Variants in ACTR10 observed in about 807,000 individuals in gnomAD.
ACTR10 encodes actin-related protein 10.
A neutral mutation model predicts 56.2 loss-of-function variants in ACTR10; 43 were observed. The observed-to-expected ratio is 0.77, with a 90% confidence interval of 0.60 to 0.99. ACTR10 has a LOEUF of 0.99. Among genes scored for constraint, ACTR10 ranks in the 50% least tolerant of loss-of-function variants. The pLI, the probability that ACTR10 is intolerant of heterozygous loss-of-function variation, is 0.00. For missense variants in ACTR10, 466 were observed against 507.8 expected (o/e 0.92, Z 0.79); for synonymous variants, 170 against 176.3 (o/e 0.96, Z 0.28).
In ACTR10 at chr14:58,209,414, T is replaced by C. The variant is rs750341686; in HGVS notation, c.342+307T>C. On this transcript the variant is annotated intron_variant, in intron 4 of 12. Transcript: ENST00000254286. ...ATTTCTTTTTATTACTGTTTATTTA[T>C]TTTAATATAGGTTTTTCTATTTGGG... Among the ~76,000 whole-genome samples the C allele has an allele frequency of 7.2e-5, 11 of 152,162 alleles. 1 individual carries two copies. Among genetic ancestry groups the C allele is most frequent in the Non-Finnish European group, 1.6e-4 (11 of 68,020 alleles).
At chr14:58,220,064 G>C (rs1385185923) in intron 8 of ACTR10, among the ~76,000 whole-genome samples, 1 of 152,058 alleles carries the variant, frequency 6.6e-6, no homozygotes, top group Non-Finnish European at 1.5e-5. Context: ...TTTTACTCTA[G>C]TTTTCTTTAT....
intron 6 of ACTR10, among the ~76,000 whole-genome samples, chr14:58,214,952 A>G (rs2140051332): frequency 6.6e-6 from 1 of 151,754 alleles, no homozygotes; most frequent in East Asian, 2.0e-4. Context: ...CTAAAAATAC[A>G]AAACTTAGCC....
chr14:58,219,062 G>A (rs374816634), intron 7 of ACTR10, among the ~76,000 whole-genome samples: 1 of 151,988 alleles, frequency 6.6e-6, no homozygotes. Context: ...TCAGGTGATC[G>A]GCCCACCTTG....
intron 6 of ACTR10, 74 bp downstream of exon 6, chr14:58,213,772 G>T (rs1889060078): frequency 3.5e-6 from 4 of 1,148,430 alleles, no homozygotes; most frequent in East Asian, 2.4e-5. Flanking sequence ...TTGTTGATCA[G>T]TGATCAATAG....
chr14:58,212,167 C>T (rs970926543), intron 5 of ACTR10, among the ~76,000 whole-genome samples: 8 of 152,000 alleles, frequency 5.3e-5, no homozygotes, highest in Admixed American at 3.9e-4. Flanking sequence ...ATAATATTTC[C>T]ATCTCATAGA....
Position 58,226,609 on chromosome 14 carries a change from T to C in ACTR10, c.788+2753T>C, listed in dbSNP as rs991219892. On this transcript the variant is annotated intron_variant, in intron 10 of 12. Transcript: ENST00000254286. ...TGTGTGTTTTTTGTTTTGTTTTGTT[T>C]TGTTTTTTGAGGTGGAGTTTCACTC... is the stretch of plus-strand genomic sequence containing the variant. 4.6e-5 allele frequency among the ~76,000 whole-genome samples: 7 copies of C among 152,216 alleles called. No homozygotes were observed. In the South Asian group the frequency reaches 1.4e-3, roughly 32 times the overall value.
chr14:58,214,142 T>G (rs1227726689), intron 6 of ACTR10, among the ~76,000 whole-genome samples: 1 of 152,186 alleles, frequency 6.6e-6, no homozygotes, highest in Non-Finnish European at 1.5e-5. Flanking sequence ...CCATTAATTA[T>G]CCTCACCTCC....
In ACTR10 at chr14:58,207,998, C is replaced by T. The variant is rs1888907191; in HGVS notation, c.213C>T (p.Phe71=). ...TEELYSYLKE[F]IHILYFRHLL... ...AATTATATTCCTACCTAAAGGAATT[C>T]ATCCACATACTATATTTCAGGTAAG... The change falls in exon 3 of 13, where the codon TTC becomes TTT. Residue 71 remains phenylalanine, a synonymous_variant. Coordinates refer to ENST00000254286, the MANE Select transcript of ACTR10 (RefSeq NM_018477.3). The T allele has an allele frequency of 2.0e-6, 3 of 1,506,760 alleles. No homozygotes were observed. Among genetic ancestry groups the T allele is most frequent in the African/African-American group, 2.9e-5 (2 of 68,098 alleles). The allele number at this position is 1,506,760 out of a possible 1,614,324, so 93.3% of individuals were successfully genotyped here. A position where few individuals can be genotyped will look rare whatever the true frequency, so the allele number is the denominator to read the frequency against.
chr14:58,225,471 TGAA>T (rs2140060138), intron 10 of ACTR10, among the ~76,000 whole-genome samples: 1 of 152,270 alleles, frequency 6.6e-6, no homozygotes, highest in South Asian at 2.1e-4. Context: ...ATGTAGAACT[TGAA>T]GTATTAAAAG....
rs536307046 is a variant in ACTR10 at position 58,231,087 on chromosome 14, C to T, written c.870+607C>T. ...TTTCTCTTTTTTTGACAGTGTTGCT[C>T]TTGTTGCCCAGGCTGGAGTGCAATG... is the stretch of plus-strand genomic sequence containing the variant. On this transcript the variant is annotated intron_variant, in intron 11 of 12. Transcript: ENST00000254286. The T allele has an allele frequency of 6.3e-5, 22 of 346,776 alleles. 2 individuals carry two copies. The highest frequency in any genetic ancestry group is 4.5e-5 in the African/African-American group (2 of 44,906). The allele number at this position is 346,776 out of a possible 1,614,324, so 21.5% of individuals were successfully genotyped here.
chr14:58,218,820 AATTATT>A (rs965364373), intron 7 of ACTR10, among the ~76,000 whole-genome samples: 5 of 152,136 alleles, frequency 3.3e-5, no homozygotes, highest in African/African-American at 7.2e-5. Context: ...ATGGGTTAAA[AATTATT>A]ATTATTATTA....
intron 4 of ACTR10, 81 bp downstream of exon 4, chr14:58,209,188 ATCTT>A (rs1029993486): frequency 1.2e-5 from 12 of 1,002,090 alleles, no homozygotes; most frequent in African/African-American, 6.6e-5. Flanking sequence ...TTTTTAGGGA[ATCTT>A]TCTTCTCTTT....
chr14:58,213,091 C>T (rs902970099), intron 5 of ACTR10: 2 of 152,228 alleles, frequency 1.3e-5, no homozygotes, highest in African/African-American at 4.8e-5. Context: ...GCACTCCAGC[C>T]TGGGCTACAG....
chr14:58,211,404 CT>C lies in ACTR10; in HGVS notation c.450+11del. 6.2e-7 allele frequency: 1 copy of C among 1,603,974 alleles called. No individual in the cohort carries two copies. Among genetic ancestry groups the C allele is most frequent in the Admixed American group, 1.7e-5 (1 of 59,544 alleles). On this transcript the variant is annotated splice_donor_region_variant and intron_variant, in intron 5 of 12. Transcript: ENST00000254286. ...AGGGAAAGCCTGGTGTTACCCATATCTTTTTTGTCAGCCAGCCACCTTTGCA... is the reference window on the plus strand; with the variant it reads ...AGGGAAAGCCTGGTGTTACCCATATCTTTTTGTCAGCCAGCCACCTTTGCA...
intron 2 of ACTR10, among the ~76,000 whole-genome samples, chr14:58,205,881 G>A (rs1040603457): frequency 2.6e-5 from 4 of 151,846 alleles, no homozygotes; most frequent in Non-Finnish European, 4.4e-5. Flanking sequence ...TATTAGCCAG[G>A]TGTAGTGGCA....
chr14:58,223,815 A>C lies in ACTR10; in HGVS notation c.747A>C (p.Pro249=). 6.2e-7 allele frequency: 1 copy of C among 1,613,256 alleles called. No individual in the cohort carries two copies. The highest frequency in any genetic ancestry group is 8.5e-7 in the Non-Finnish European group (1 of 1,179,438). The change falls in exon 10 of 13, where the codon CCA becomes CCC. Residue 249 remains proline (P), a synonymous_variant. Transcript: ENST00000254286. The part of the protein sequence containing the change: ...RPSPPPNVDY[P]LDGEKILHIL... ...CCCCACCCCCAAATGTTGACTATCCATTAGATGGAGAGAAGATTTTACATA... is the reference window on the plus strand; with the variant it reads ...CCCCACCCCCAAATGTTGACTATCCCTTAGATGGAGAGAAGATTTTACATA...
chr14:58,224,494 G>A lies in ACTR10; in HGVS notation c.788+638G>A, dbSNP rs530332614. Among the ~76,000 whole-genome samples the A allele has an allele frequency of 3.6e-3, 548 of 151,916 alleles. 2 individuals are homozygous for A. Among genetic ancestry groups the A allele is most frequent in the African/African-American group, 0.013 (522 of 41,476 alleles). ...ACTCCTGACCTCAGGTGATCCACCC[G>A]CCTTGGCCTCCCAAAGTGCTGGGAT... On this transcript the variant is annotated intron_variant, in intron 10 of 12. Coordinates refer to ENST00000254286, the MANE Select transcript of ACTR10 (RefSeq NM_018477.3).
At chr14:58,219,597 A>T (rs1435090530) in intron 7 of ACTR10, 97 bp from the exon 8 acceptor site, 10 of 764,036 alleles carry the variant, frequency 1.3e-5, no homozygotes, top group Non-Finnish European at 1.8e-5. Context: ...TATTTTTAAA[A>T]TTTTTTCTAA....
At chr14:58,218,246 A>C (rs929995140) in intron 7 of ACTR10, among the ~76,000 whole-genome samples, 2 of 152,198 alleles carry the variant, frequency 1.3e-5, no homozygotes, top group African/African-American at 4.8e-5. Context: ...AGGTTCTTAC[A>C]GTCAAGTTAC....
Sources: allele counts gnomAD v4.1 joint callset (sites outside exome capture counted in the v4.1 genomes callset), GRCh38; gene constraint gnomAD v4.1.1; transcripts MANE v1.5; gene names NCBI Gene and HGNC (gene_info 2026-07-23, HGNC 2026-07-21).